CPLANE1: variants seen among roughly 807,000 people sequenced by gnomAD.
The protein encoded by CPLANE1 is ciliogenesis and planar polarity effector complex subunit 1, also known as ciliogenesis and planar polarity effector 1.
CPLANE1 carries 263 observed loss-of-function variants against 362.5 expected under a neutral mutation model. The ratio of observed to expected loss-of-function variants is 0.73; its 90% CI spans 0.66 to 0.80. The LOEUF is 0.80. CPLANE1 is among the 30% of genes least tolerant of loss of function. The pLI is 0.00. For synonymous variants in CPLANE1, 1,212 were observed against 1,302.6 expected (o/e 0.93, Z 1.50); for missense variants, 3,461 against 3,793.4 (o/e 0.91, Z 2.30).
chr5:37,124,576 A>C (rs1179907776), intron 47 of CPLANE1, among the ~76,000 whole-genome samples: 2 of 152,134 alleles, frequency 1.3e-5, no homozygotes, highest in East Asian at 3.9e-4. Context: ...TTGTAGACAC[A>C]GGGTCGCCCT....
intron 6 of CPLANE1, among the ~76,000 whole-genome samples, chr5:37,242,205 T>G (rs1286416386): frequency 6.6e-6 from 1 of 151,982 alleles, no homozygotes; most frequent in African/African-American, 2.4e-5. Flanking sequence ...ATACAAAAAG[T>G]TAGCCAGGCC....
chr5:37,115,141 T>TC (rs1760557969), intron 50 of CPLANE1, 92 bp from the exon 51 acceptor site: 1 of 857,326 alleles, frequency 1.2e-6, no homozygotes, highest in South Asian at 1.5e-5. Context: ...ACCTTGGTGA[T>TC]CAGCTTTGAA....
chr5:37,159,849 G>GA (rs1175985136), intron 38 of CPLANE1, among the ~76,000 whole-genome samples: 2 of 151,580 alleles, frequency 1.3e-5, no homozygotes, highest in Non-Finnish European at 2.9e-5. Flanking sequence ...CTGTTCTTAG[G>GA]AAAAAAAAGA....
intron 46 of CPLANE1, among the ~76,000 whole-genome samples, chr5:37,126,004 A>G (rs1475490767): frequency 6.6e-6 from 1 of 152,160 alleles, no homozygotes; most frequent in Non-Finnish European, 1.5e-5. Flanking sequence ...CTGGGAGGCC[A>G]AGGCAGGCAG....
intron 27 of CPLANE1, among the ~76,000 whole-genome samples, chr5:37,180,637 A>G (rs1782426003): frequency 6.6e-6 from 1 of 152,216 alleles, no homozygotes; most frequent in Admixed American, 6.5e-5. Flanking sequence ...ATCCCTCAGG[A>G]TGAATTAATT....
chr5:37,211,910 T>A, intron 16 of CPLANE1: 1 of 790,932 alleles, frequency 1.3e-6, no homozygotes, highest in Non-Finnish European at 2.3e-6. Context: ...CTGCCGGGGA[T>A]ATGCTTCATA....
chr5:37,126,440 T>C (rs1251224373), intron 46 of CPLANE1, among the ~76,000 whole-genome samples: 1 of 152,166 alleles, frequency 6.6e-6, no homozygotes, highest in Non-Finnish European at 1.5e-5. Flanking sequence ...ACCATTGACC[T>C]GGCTGAAACA....
chr5:37,210,234 A>C lies in CPLANE1; in HGVS notation c.2920+3325T>G. On this transcript the variant is annotated intron_variant, in intron 16 of 52. Transcript: ENST00000651892. ...TTATGCTCAAAGGCAACTTTTACTA[A>C]AAGATATGGATTTGCTAAGAGGAAG... is the stretch of plus-strand genomic sequence containing the variant. 4.4e-6 allele frequency: 7 copies of C among 1,604,334 alleles called. No homozygotes were observed. The South Asian group carries it at 7.7e-5, about 18-fold the overall frequency.
At chr5:37,186,263 A>G in intron 24 of CPLANE1, 23 bp downstream of exon 24, 3 of 1,089,944 alleles carry the variant, frequency 2.8e-6, no homozygotes, top group Non-Finnish European at 4.2e-6. Context: ...TCTGTTAGCT[A>G]TCTGAGAAAC....
chr5:37,238,857 C>A lies in CPLANE1; in HGVS notation c.938G>T (p.Arg313Met). The A allele has an allele frequency of 6.8e-7, 1 of 1,462,638 alleles. No homozygotes were observed. Among genetic ancestry groups the A allele is most frequent in the African/African-American group, 1.4e-5 (1 of 69,086 alleles). 90.6% of individuals were successfully genotyped at this position (1,462,638 alleles called of 1,614,324 possible). Residue 313 changes from arginine (R) to methionine (M), a missense_variant and splice_region_variant, in exon 8 of 53, where the codon AGG (arginine) becomes ATG (methionine). Arg to Met is a moderately conservative substitution (Grantham distance 91). Around this residue, in one of 2 missense-constraint regions of CPLANE1, gnomAD observed 3,380 missense variants for 3,666.1 expected, o/e 0.92. Transcript: ENST00000651892. Reference protein sequence around the residue: ...KSPVVPATLIRSYWVGDISWT... With the variant: ...KSPVVPATLIMSYWVGDISWT... Reference sequence around the variant, plus strand: ...AAAAGACAGACAAAAGAGTTCTTACCTAATAAGTGTAGCTGGAACCACGGG... The same window carrying A: ...AAAAGACAGACAAAAGAGTTCTTACATAATAAGTGTAGCTGGAACCACGGG...
At chr5:37,210,354 C>T (rs1315161704) in intron 16 of CPLANE1, 13 of 1,155,338 alleles carry the variant, frequency 1.1e-5, no homozygotes, top group Non-Finnish European at 1.4e-5. Flanking sequence ...ACTTAGGAGA[C>T]GGGAGCAGAA....
intron 38 of CPLANE1, among the ~76,000 whole-genome samples, chr5:37,159,829 A>G (rs1296702834): frequency 6.6e-6 from 1 of 152,228 alleles, no homozygotes; most frequent in Non-Finnish European, 1.5e-5. Flanking sequence ...TACATCTTTA[A>G]TAAGTCATAC....
chr5:37,173,314 A>G (rs1034224991), intron 32 of CPLANE1, among the ~76,000 whole-genome samples: 1 of 152,224 alleles, frequency 6.6e-6, no homozygotes, highest in Non-Finnish European at 1.5e-5. Flanking sequence ...GATACTTTTG[A>G]GTAGGAGCCC....
At chr5:37,199,910 G>C (rs1463262280) in intron 19 of CPLANE1, among the ~76,000 whole-genome samples, 1 of 152,190 alleles carries the variant, frequency 6.6e-6, no homozygotes, top group African/African-American at 2.4e-5. Flanking sequence ...CTCACTAAGA[G>C]TGAATCTCAA....
chr5:37,082,273 T>G, the CPLANE1 span, among the ~76,000 whole-genome samples: 3 of 152,136 alleles, frequency 2.0e-5, no homozygotes, highest in African/African-American at 7.2e-5. Flanking sequence ...CAAAAATGGA[T>G]GACTACACAT....
At chr5:37,180,399 A>C (rs977533125) in intron 27 of CPLANE1, among the ~76,000 whole-genome samples, 1 of 152,146 alleles carries the variant, frequency 6.6e-6, no homozygotes, top group Non-Finnish European at 1.5e-5. Flanking sequence ...TGATACACAG[A>C]AGCTCAGGTA....
At chr5:37,124,753 T>G (rs1456762810) in intron 47 of CPLANE1, 4 of 317,018 alleles carry the variant, frequency 1.3e-5, no homozygotes, top group Non-Finnish European at 1.8e-5. Context: ...TGAGATCTCA[T>G]GATATTGCCC....
rs1579838204 is a variant in CPLANE1, at chr5:37,117,266, GAAGATGAGC to G, written c.9311-2226_9311-2218del. On this transcript the variant is annotated intron_variant, in intron 50 of 52. Coordinates refer to ENST00000651892, the MANE Select transcript of CPLANE1 (RefSeq NM_001384732.1). ...ATCTGTTCAACATGAGGGGTAATAG[GAAGATGAGC>G]AAGGGAATACTGCTGCAAAGCATTT... 2.6e-5 allele frequency among the ~76,000 whole-genome samples: 4 copies of G among 151,230 alleles called. No individual in the cohort carries two copies. The East Asian group carries it at 7.8e-4, about 29-fold the overall frequency.
At chr5:37,240,717 C>A (rs1218198410) in intron 6 of CPLANE1, among the ~76,000 whole-genome samples, 1 of 152,150 alleles carries the variant, frequency 6.6e-6, no homozygotes, top group African/African-American at 2.4e-5. Context: ...AGGGGACGAA[C>A]ATCCAAACTA....
Sources: gnomAD v4.1 joint callset for allele counts (sites outside exome capture counted in the v4.1 genomes callset) on GRCh38, gnomAD v4.1.1 for gene constraint, gnomAD v4.1.1 regional missense constraint, MANE v1.5 for transcripts, NCBI Gene and HGNC (gene_info 2026-07-23, HGNC 2026-07-21) for gene names.